The following ARHGEF3 variants were observed in gnomAD, a reference collection of about 807,000 sequenced individuals.
ARHGEF3 encodes the protein Rho guanine nucleotide exchange factor 3.
Under a neutral mutation model 63.2 loss-of-function variants are expected in ARHGEF3, and 28 were observed. That is an observed-to-expected ratio of 0.44 (90% CI 0.33 to 0.61). ARHGEF3 has a LOEUF of 0.61. Ranked by LOEUF, ARHGEF3 falls within the 20% of genes least tolerant of loss-of-function variation. The probability of loss-of-function intolerance (pLI) is 0.03; values close to 1 mark genes in which losing one functional copy is unlikely to be tolerated. For synonymous variants in ARHGEF3, 266 were observed against 254.2 expected (o/e 1.05, Z -0.44); for missense variants, 533 against 659.3 (o/e 0.81, Z 2.10).
At chr3:56,977,706 C>CT (rs1169638614) in intron 2 of ARHGEF3, among the ~76,000 whole-genome samples, 1 of 152,118 alleles carries the variant, frequency 6.6e-6, no homozygotes, top group East Asian at 1.9e-4. Flanking sequence ...GACTTGGTGC[C>CT]TGGCAGGGCT....
At chr3:56,766,832 A>G (rs1186911437) in intron 2 of ARHGEF3, among the ~76,000 whole-genome samples, 6 of 152,230 alleles carry the variant, frequency 3.9e-5, no homozygotes, top group African/African-American at 9.6e-5. Flanking sequence ...ACACCCTTTG[A>G]CCAGAATTCC....
At chr3:57,067,492 T>TAATAA (rs1705616678) in intron 1 of ARHGEF3, among the ~76,000 whole-genome samples, 1 of 100,170 alleles carries the variant, frequency 1.0e-5, no homozygotes, top group Admixed American at 1.1e-4. Flanking sequence ...AATAATAATA[T>TAATAA]TTGTCTATAT....
rs770849860 is a variant in ARHGEF3, at chr3:56,737,188, G to A, written c.1038C>T (p.Gly346=). ...CTTAAAGGGAGTAACTACTTACCAC[G>A]CCCCGATTGTTCTTCAGTTCACCAT... ...CCHGELKNNR[G]VKLHVFLFQE... is the part of the protein sequence containing the mutation. The change falls in exon 8 of 10, where the codon GGC becomes GGT. Residue 346 remains glycine, a synonymous_variant. Transcript: ENST00000296315. 29 of 1,613,012 alleles carry A rather than the reference G, an allele frequency of 1.8e-5. No individual in the cohort carries two copies. The highest frequency in any genetic ancestry group is 1.7e-4 in the Middle Eastern group (1 of 6,018).
chr3:56,816,788 C>T (rs62249771), intron 4 of ARHGEF3, among the ~76,000 whole-genome samples: 12,713 of 152,288 alleles, frequency 0.083, 788 homozygotes, highest in Admixed American at 0.21. Flanking sequence ...CACCTTGCTT[C>T]TAGAACCTCA....
intron 4 of ARHGEF3, among the ~76,000 whole-genome samples, chr3:56,832,865 T>C (rs2038976834): frequency 6.6e-6 from 1 of 152,242 alleles, no homozygotes; most frequent in Non-Finnish European, 1.5e-5. Context: ...TTCATACAAA[T>C]GGAATCAAAT....
At chr3:56,935,161 G>C (rs944789085) in intron 3 of ARHGEF3, among the ~76,000 whole-genome samples, 3 of 152,186 alleles carry the variant, frequency 2.0e-5, no homozygotes, top group African/African-American at 7.2e-5. Flanking sequence ...AGCACCCTGT[G>C]TCTAGCTCAG....
intron 3 of ARHGEF3, among the ~76,000 whole-genome samples, chr3:56,897,405 A>G (rs1003031791): frequency 3.3e-5 from 5 of 152,104 alleles, no homozygotes; most frequent in Admixed American, 3.3e-4. Flanking sequence ...TTAGTGGAGG[A>G]GTATTTAGAA....
chr3:56,916,516 A>G, intron 3 of ARHGEF3: 1 of 1,367,462 alleles, frequency 7.3e-7, no homozygotes, highest in South Asian at 1.7e-5. Flanking sequence ...TCAGAGGCTG[A>G]GAGCCGCACC....
intron 3 of ARHGEF3, among the ~76,000 whole-genome samples, chr3:56,955,530 G>T (rs1237369388): frequency 6.6e-6 from 1 of 152,194 alleles, no homozygotes. Flanking sequence ...CAAGAGGAAT[G>T]AAATTGCAAA....
At chr3:56,910,802 A>T (rs1346409632) in intron 3 of ARHGEF3, among the ~76,000 whole-genome samples, 1 of 152,218 alleles carries the variant, frequency 6.6e-6, no homozygotes, top group Non-Finnish European at 1.5e-5. Context: ...TCATAATCAT[A>T]GTGAGCATTT....
At chr3:56,965,921 T>C (rs1002801730) in intron 2 of ARHGEF3, among the ~76,000 whole-genome samples, 6 of 152,148 alleles carry the variant, frequency 3.9e-5, no homozygotes, top group Non-Finnish European at 8.8e-5. Flanking sequence ...GTGCTGGGAT[T>C]ACAGGTGTGA....
intron 4 of ARHGEF3, among the ~76,000 whole-genome samples, chr3:56,856,164 G>A (rs1205484176): frequency 3.9e-5 from 6 of 152,144 alleles, no homozygotes; most frequent in African/African-American, 1.4e-4. Flanking sequence ...AGTCCTGGGG[G>A]GTGTCGCCAT....
At chr3:56,887,936 G>C (rs1032037988) in intron 3 of ARHGEF3, among the ~76,000 whole-genome samples, 1 of 152,126 alleles carries the variant, frequency 6.6e-6, no homozygotes, top group African/African-American at 2.4e-5. Flanking sequence ...TGTTTTTGAG[G>C]TGACACCTTT....
At chr3:56,824,427 A>T (rs1308120164) in intron 4 of ARHGEF3, among the ~76,000 whole-genome samples, 1 of 152,170 alleles carries the variant, frequency 6.6e-6, no homozygotes, top group Non-Finnish European at 1.5e-5. Flanking sequence ...CTTTGTAAGT[A>T]TCATCTCCTT....
chr3:57,065,791 G>A (rs72874168), intron 1 of ARHGEF3, among the ~76,000 whole-genome samples: 2,047 of 152,162 alleles, frequency 0.013, 33 homozygotes, highest in Middle Eastern at 0.041. Flanking sequence ...TCCTCATTAC[G>A]GCTGAGTCAC....
Position 56,776,476 on chromosome 3 carries a change from G to A in ARHGEF3, c.97-2660C>T, listed in dbSNP as rs148131045. ...CAATTTCAAAACCAGAACACTTACA[G>A]GTTATTGGATCTATGGGGGAGGCTT... is the stretch of plus-strand genomic sequence containing the variant. On this transcript the variant is annotated intron_variant, in intron 1 of 9. Transcript: ENST00000296315. Among the ~76,000 whole-genome samples, 90 of 152,282 alleles carry A rather than the reference G, an allele frequency of 5.9e-4. 1 individual carries two copies. Among genetic ancestry groups the A allele is most frequent in the African/African-American group, 2.1e-3 (88 of 41,552 alleles).
chr3:56,946,490 C>A (rs1250240038), intron 3 of ARHGEF3, among the ~76,000 whole-genome samples: 1 of 152,176 alleles, frequency 6.6e-6, no homozygotes, highest in Non-Finnish European at 1.5e-5. Context: ...GCACTAGCCT[C>A]AGCAGCCGAT....
At chr3:56,751,422 A>T (rs1417471770) in intron 4 of ARHGEF3, 26 bp from the exon 5 acceptor site, 1 of 1,577,076 alleles carries the variant, frequency 6.3e-7, no homozygotes, top group East Asian at 2.2e-5. Context: ...AAGAGATGGA[A>T]GCACATGTTT....
At chr3:56,758,401 G>T (rs922187697) in intron 2 of ARHGEF3, among the ~76,000 whole-genome samples, 1 of 151,824 alleles carries the variant, frequency 6.6e-6, no homozygotes, top group African/African-American at 2.4e-5. Flanking sequence ...ACCACTCTGG[G>T]CAACGTAGCA....
Sources: gnomAD v4.1 joint callset for allele counts (sites outside exome capture counted in the v4.1 genomes callset) on GRCh38, gnomAD v4.1.1 for gene constraint, MANE v1.5 for transcripts, NCBI Gene and HGNC (gene_info 2026-07-23, HGNC 2026-07-21) for gene names.